MMP26: variants seen among roughly 807,000 people sequenced by gnomAD.
MMP26 encodes matrix metalloproteinase-26.
Under a neutral mutation model 31.0 loss-of-function variants are expected in MMP26, and 33 were observed. The ratio of observed to expected loss-of-function variants is 1.06; its 90% CI spans 0.81 to 1.42. The LOEUF is 1.42. Ranked by LOEUF, MMP26 falls within the 40% of genes most tolerant of loss-of-function variation. The pLI is 0.00. For missense variants in MMP26, 347 were observed against 316.1 expected (o/e 1.10, Z -0.74); for synonymous variants, 122 against 114.9 (o/e 1.06, Z -0.40).
In MMP26 at chr11:4,764,874, T is replaced by TCACACACACACACACACACA. The variant is rs149703459; in HGVS notation, c.-216-2392_-216-2391insCACACACACACACACACACA. On this transcript the variant is annotated intron_variant, in intron 1 of 7. Transcript: ENST00000380390. ...GCCTGGGTGACAGAGCGAGACTCCA[T>TCACACACACACACACACACA]CACAGACACACACACACACACACAC... Among the ~76,000 whole-genome samples the TCACACACACACACACACACA allele has an allele frequency of 5.3e-5, 8 of 151,408 alleles. No individual in the cohort carries two copies. In the South Asian group the frequency reaches 1.3e-3, roughly 24 times the overall value.
intron 1 of MMP26, chr11:4,756,828 A>C (rs75663440): frequency 6.6e-6 from 1 of 151,426 alleles, no homozygotes. Context: ...AAAAAAAAAA[A>C]CTAAGACACT....
intron 2 of MMP26, among the ~76,000 whole-genome samples, chr11:4,843,580 A>G (rs1849825797): frequency 6.6e-6 from 1 of 152,206 alleles, no homozygotes; most frequent in Non-Finnish European, 1.5e-5. Context: ...GCATAGATCA[A>G]TGGGGCCCTG....
rs75215324 is a variant in MMP26, at chr11:4,822,789, T to C, written c.-145+55448T>C. The stretch of plus-strand genomic sequence containing the variant: ...CTTGATTATATATGCGATTCCAAAA[T>C]AGAGATTCTATAGGGTGGATCCTAA... On this transcript the variant is annotated intron_variant, in intron 2 of 7. Transcript: ENST00000380390. 1.5e-3 allele frequency among the ~76,000 whole-genome samples: 222 copies of C among 152,254 alleles called. 4 individuals carry two copies. In the East Asian group the frequency reaches 0.039, roughly 27 times the overall value.
At chr11:4,963,832 A>T (rs1215359844) in intron 2 of MMP26, among the ~76,000 whole-genome samples, 1 of 152,096 alleles carries the variant, frequency 6.6e-6, no homozygotes, top group Non-Finnish European at 1.5e-5. Flanking sequence ...ATGGCATCTC[A>T]TCGTGGTTTT....
At chr11:4,834,781 T>G (rs1246451529) in intron 2 of MMP26, among the ~76,000 whole-genome samples, 1 of 152,218 alleles carries the variant, frequency 6.6e-6, no homozygotes, top group Non-Finnish European at 1.5e-5. Flanking sequence ...AGAACATAAT[T>G]ATTTCTCCAT....
intron 1 of MMP26, chr11:4,723,003 G>C: frequency 1.1e-6 from 1 of 890,024 alleles, no homozygotes; most frequent in Non-Finnish European, 1.9e-6. Context: ...TCGCCATCCA[G>C]CAGCTTCCTG....
intron 2 of MMP26, among the ~76,000 whole-genome samples, chr11:4,904,180 TA>T (rs1460174445): frequency 8.5e-5 from 13 of 152,244 alleles, no homozygotes; most frequent in Admixed American, 2.6e-4. Context: ...TGTTAGAGAC[TA>T]TCAGACAGCC....
intron 1 of MMP26, among the ~76,000 whole-genome samples, chr11:4,732,920 A>T (rs879910596): frequency 6.6e-6 from 1 of 152,206 alleles, no homozygotes; most frequent in Non-Finnish European, 1.5e-5. Flanking sequence ...TTCTTTCTTC[A>T]TTGAGCTGTC....
At chr11:4,989,599 G>T (rs1430757434) in intron 3 of MMP26, 49 bp from the exon 4 acceptor site, 2 of 1,473,936 alleles carry the variant, frequency 1.4e-6, no homozygotes, top group Admixed American at 3.7e-5. Context: ...ACTGATATAT[G>T]GGTCTTCCCT....
chr11:4,816,608 T>C (rs758761535), intron 2 of MMP26, among the ~76,000 whole-genome samples: 78 of 147,722 alleles, frequency 5.3e-4, no homozygotes, highest in Non-Finnish European at 8.9e-4. Context: ...AAAACTATGG[T>C]CCAAAACAAA....
At chr11:4,740,815 A>G (rs1467061050) in intron 1 of MMP26, among the ~76,000 whole-genome samples, 1 of 152,188 alleles carries the variant, frequency 6.6e-6, no homozygotes, top group African/African-American at 2.4e-5. Context: ...ATAACTGGAA[A>G]GTACCTTAGA....
intron 2 of MMP26, among the ~76,000 whole-genome samples, chr11:4,788,518 T>C (rs1229644975): frequency 6.6e-6 from 1 of 152,132 alleles, no homozygotes; most frequent in Non-Finnish European, 1.5e-5. Flanking sequence ...TAATTTTCTA[T>C]TTGTGACCTG....
intron 2 of MMP26, among the ~76,000 whole-genome samples, chr11:4,849,422 T>C (rs550053722): frequency 1.1e-4 from 16 of 152,240 alleles, no homozygotes; most frequent in South Asian, 8.3e-4. Flanking sequence ...GCCTTTGAGG[T>C]TTTTCTATAG....
At chr11:4,737,732 C>T (rs12223516) in intron 1 of MMP26, among the ~76,000 whole-genome samples, 2,515 of 152,290 alleles carry the variant, frequency 0.017, 30 homozygotes, top group East Asian at 0.06. Context: ...GTCAGTTTCT[C>T]CGTTCCTTTG....
chr11:4,916,450 C>T (rs1419477559), intron 2 of MMP26, among the ~76,000 whole-genome samples: 1 of 151,640 alleles, frequency 6.6e-6, no homozygotes, highest in East Asian at 1.9e-4. Context: ...CTCTCACTAA[C>T]ATTCTAACTT....
intron 1 of MMP26, among the ~76,000 whole-genome samples, chr11:4,741,560 ACAC>A (rs899175958): frequency 3.4e-5 from 5 of 148,402 alleles, no homozygotes; most frequent in African/African-American, 1.2e-4. Flanking sequence ...AGAAAACCAA[ACAC>A]CACATGTTCT....
At chr11:4,706,600 GACA>G in intron 1 of MMP26, among the ~76,000 whole-genome samples, 1 of 95,320 alleles carries the variant, frequency 1.0e-5, no homozygotes, top group East Asian at 5.2e-4. Flanking sequence ...AAAAAAAAAA[GACA>G]GAAAGAAAGA....
chr11:4,961,153 A>G (rs1846515353), intron 2 of MMP26, among the ~76,000 whole-genome samples: 1 of 152,180 alleles, frequency 6.6e-6, no homozygotes, highest in East Asian at 1.9e-4. Flanking sequence ...AGATGTACCT[A>G]AAGGATATTT....
intron 2 of MMP26, among the ~76,000 whole-genome samples, chr11:4,861,140 C>T (rs1335860798): frequency 6.7e-6 from 1 of 149,092 alleles, no homozygotes; most frequent in Non-Finnish European, 1.5e-5. Context: ...TATAGATACA[C>T]ACAGTTTCCA....
Sources: allele counts gnomAD v4.1 joint callset (sites outside exome capture counted in the v4.1 genomes callset), GRCh38; gene constraint gnomAD v4.1.1; transcripts MANE v1.5; gene names NCBI Gene and HGNC (gene_info 2026-07-23, HGNC 2026-07-21).